The following NET1 variants were observed in gnomAD, a reference collection of about 807,000 sequenced individuals.
NET1 encodes the protein neuroepithelial cell transforming 1, also known as neuroepithelial cell-transforming gene 1 protein.
In NET1, 42 loss-of-function variants were observed where a neutral mutation model predicts 61.1. The ratio of observed to expected loss-of-function variants is 0.69; its 90% CI spans 0.54 to 0.89. NET1 has a LOEUF of 0.89. Ranked by LOEUF, NET1 falls within the 40% of genes least tolerant of loss-of-function variation. The pLI is 0.00. For synonymous variants in NET1, 254 were observed against 281.8 expected, an observed-to-expected ratio of 0.90 and a Z score of 0.99; for missense variants, 654 against 747.3, an observed-to-expected ratio of 0.88 and a Z score of 1.46.
Position 5,417,287 on chromosome 10 carries a change from G to A in NET1, c.128+4467G>A, listed in dbSNP as rs974956356. On this transcript the variant is annotated intron_variant, in intron 1 of 11. Transcript: ENST00000355029. This position sits in a 1 kb window ranked among gnomAD's most constrained non-coding sequence, Gnocchi z 5.5. ...CACAGGTGGGGGCGTGCTTTTATAG[G>A]CACAGGATGGGGGTGTGGTGAGCCA... is the stretch of plus-strand genomic sequence containing the variant. Among the ~76,000 whole-genome samples the A allele has an allele frequency of 6.6e-6, 1 of 151,960 alleles. No individual in the cohort carries two copies. The highest frequency in any genetic ancestry group is 1.5e-5 in the Non-Finnish European group (1 of 67,988).
chr10:5,457,025 G>T lies in NET1; in HGVS notation c.*31G>T. ...GCTCTGTGTGTTAACTGATGGGAGA[G>T]ACTGTTTGTTTATAAATGTGTACAG... is the stretch of plus-strand genomic sequence containing the variant. On this transcript the variant is annotated 3_prime_UTR_variant, in exon 12 of 12. Coordinates refer to ENST00000355029, the MANE Select transcript of NET1 (RefSeq NM_001047160.3). This position sits in a 1 kb window ranked among gnomAD's most constrained non-coding sequence, Gnocchi z 5.4. The T allele has an allele frequency of 6.6e-7, 1 of 1,510,990 alleles. No homozygotes were observed. The highest frequency in any genetic ancestry group is 1.4e-5 in the South Asian group (1 of 74,022). The allele number at this position is 1,510,990 out of a possible 1,614,324, so 93.6% of individuals were successfully genotyped here.
In NET1 at chr10:5,440,128, T is replaced by TATACCTATTATACCTATTATAC. The variant is rs1316236804; in HGVS notation, c.255+10899_255+10900insATACCTATTATACCTATTATAC. On this transcript the variant is annotated intron_variant, in intron 3 of 11. Transcript: ENST00000355029. The surrounding 1 kb of genome is among the most constrained non-coding windows in gnomAD (Gnocchi z 4.1). ...ATCCAAAATACTTTCCACTTCCTATTCACCAGGTCTTTTTGGTATAATGTT... is the reference window on the plus strand; with the variant it reads ...ATCCAAAATACTTTCCACTTCCTATTATACCTATTATACCTATTATACCACCAGGTCTTTTTGGTATAATGTT... Among the ~76,000 whole-genome samples the TATACCTATTATACCTATTATAC allele has an allele frequency of 6.6e-6, 1 of 152,218 alleles. No individual in the cohort carries two copies. Among genetic ancestry groups the TATACCTATTATACCTATTATAC allele is most frequent in the Non-Finnish European group, 1.5e-5 (1 of 68,038 alleles).
chr10:5,434,114 G>A (rs1227460933), intron 3 of NET1, among the ~76,000 whole-genome samples: 1 of 152,128 alleles, frequency 6.6e-6, no homozygotes, highest in East Asian at 1.9e-4. Context: ...TACTTCTGTC[G>A]CTCATTTTTC....
intron 3 of NET1, among the ~76,000 whole-genome samples, chr10:5,450,481 G>A (rs1457461290): frequency 6.6e-6 from 1 of 151,830 alleles, no homozygotes; most frequent in Non-Finnish European, 1.5e-5. Flanking sequence ...ATAGTCTTCA[G>A]TTGTTTAAAG....
chr10:5,448,376 T>C (rs1011284702), intron 3 of NET1, among the ~76,000 whole-genome samples: 1 of 152,330 alleles, frequency 6.6e-6, no homozygotes. Flanking sequence ...CAATTTTCTG[T>C]TTATAGATGT....
rs1167002460 is a variant in NET1 at position 5,435,786 on chromosome 10, A to G, written c.255+6557A>G. On this transcript the variant is annotated intron_variant, in intron 3 of 11. Transcript: ENST00000355029. The surrounding 1 kb of genome is among the most constrained non-coding windows in gnomAD (Gnocchi z 5.0). ...TCTTGAAGCTGTGATTGTTTATCAA[A>G]TTTTTCTCTAGGTAAAATTTCAGCC... Among the ~76,000 whole-genome samples, 1 of 152,044 alleles carries G rather than the reference A, an allele frequency of 6.6e-6. No individual in the cohort carries two copies. Among genetic ancestry groups the G allele is most frequent in the Admixed American group, 6.5e-5 (1 of 15,268 alleles).
rs2119162970 is a variant in NET1 at position 5,416,835 on chromosome 10, CTGAAGCCTCAG to C, written c.128+4018_128+4028del. ...CATGTCTATGGGTGAATGTTTACAG[CTGAAGCCTCAG>C]TGGGCTTGTGTTACAGGGTACTCTT... On this transcript the variant is annotated intron_variant, in intron 1 of 11. Transcript: ENST00000355029. The surrounding 1 kb of genome is among the most constrained non-coding windows in gnomAD (Gnocchi z 6.1). Among the ~76,000 whole-genome samples the C allele has an allele frequency of 6.6e-6, 1 of 152,264 alleles. No homozygotes were observed. Among genetic ancestry groups the C allele is most frequent in the Non-Finnish European group, 1.5e-5 (1 of 68,028 alleles).
intron 1 of NET1, among the ~76,000 whole-genome samples, chr10:5,413,611 A>G (rs541720705): frequency 6.6e-6 from 1 of 152,346 alleles, no homozygotes; most frequent in African/African-American, 2.4e-5. Context: ...GCTATGTCAG[A>G]TGTTATTGAT....
chr10:5,438,193 A>C (rs564311534), intron 3 of NET1, among the ~76,000 whole-genome samples: 1 of 152,332 alleles, frequency 6.6e-6, no homozygotes, highest in African/African-American at 2.4e-5. Context: ...TAAGGAGGTA[A>C]TAAAAAGAAA....
chr10:5,412,762 A>T lies in NET1; in HGVS notation c.70A>T (p.Ser24Cys). 1 of 1,471,972 alleles carries T rather than the reference A, an allele frequency of 6.8e-7. No homozygotes were observed. The highest frequency in any genetic ancestry group is 9.0e-7 in the Non-Finnish European group (1 of 1,116,204). 91.2% of individuals were successfully genotyped at this position (1,471,972 alleles called of 1,614,324 possible). The change falls in exon 1 of 12, where the codon AGC (serine) becomes TGC (cysteine). Residue 24 changes from serine to cysteine, a missense_variant. Transcript: ENST00000355029. This position sits in a 1 kb window ranked among gnomAD's most constrained non-coding sequence, Gnocchi z 6.5. ...GCGAAGCCGCCGGGCCTCTGGGCTCAGCACGGAGGGAGCGACGGGGCCTTC... is the reference window on the plus strand; with the variant it reads ...GCGAAGCCGCCGGGCCTCTGGGCTCTGCACGGAGGGAGCGACGGGGCCTTC... ...RRRSRRASGLSTEGATGPSAD... is the reference protein window; with the variant it reads ...RRRSRRASGLCTEGATGPSAD...
In NET1 at chr10:5,412,743, C is replaced by T. The variant is rs774046393; in HGVS notation, c.51C>T (p.Ser17=). Residue 17 remains serine (S), a synonymous_variant, in exon 1 of 12, where the codon AGC becomes AGT. Transcript: ENST00000355029. This position sits in a 1 kb window ranked among gnomAD's most constrained non-coding sequence, Gnocchi z 6.5. ...AGCAGCCTCGACCGCGGAGGCGAAG[C>T]CGCCGGGCCTCTGGGCTCAGCACGG... ...AQKQPRPRRR[S]RRASGLSTEG... 1 of 1,481,402 alleles carries T rather than the reference C, an allele frequency of 6.8e-7. No homozygotes were observed. The highest frequency in any genetic ancestry group is 8.9e-7 in the Non-Finnish European group (1 of 1,123,380). 91.8% of individuals were successfully genotyped at this position (1,481,402 alleles called of 1,614,324 possible).
chr10:5,442,561 A>G (rs1475684876), intron 3 of NET1, among the ~76,000 whole-genome samples: 2 of 152,342 alleles, frequency 1.3e-5, no homozygotes, highest in East Asian at 1.9e-4. Flanking sequence ...ACGCTAACCA[A>G]TCTGTGCCTC....
Position 5,456,763 on chromosome 10 carries a change from A to G in NET1, c.1560A>G (p.Glu520=), listed in dbSNP as rs772431434. 1 of 1,613,844 alleles carries G rather than the reference A, an allele frequency of 6.2e-7. No homozygotes were observed. The highest frequency in any genetic ancestry group is 1.1e-5 in the South Asian group (1 of 90,998). ...PELQGLPELH[E]ECEGNHPSAR... The stretch of plus-strand genomic sequence containing the variant: ...TGCAGGGCCTGCCGGAGCTGCACGA[A>G]GAGTGTGAGGGGAACCACCCCTCTG... Residue 520 remains glutamate (E), a synonymous_variant, in exon 12 of 12, where the codon GAA becomes GAG. Transcript: ENST00000355029. This position sits in a 1 kb window ranked among gnomAD's most constrained non-coding sequence, Gnocchi z 7.0.
Position 5,417,445 on chromosome 10 carries a change from C to A in NET1, c.128+4625C>A, listed in dbSNP as rs191902232. Among the ~76,000 whole-genome samples the A allele has an allele frequency of 3.3e-5, 5 of 152,064 alleles. No homozygotes were observed. The highest frequency in any genetic ancestry group is 3.3e-4 in the Admixed American group (5 of 15,272). ...TCTCCTCTACGCAGCACTTCCCTGC[C>A]CCGCTTTGTATCACTTTATTTTCAG... On this transcript the variant is annotated intron_variant, in intron 1 of 11. Transcript: ENST00000355029. This position sits in a 1 kb window ranked among gnomAD's most constrained non-coding sequence, Gnocchi z 5.5.
chr10:5,434,170 C>G (rs1467460111), intron 3 of NET1, among the ~76,000 whole-genome samples: 6 of 152,176 alleles, frequency 3.9e-5, no homozygotes, highest in Non-Finnish European at 5.9e-5. Flanking sequence ...GCCAGGATAG[C>G]CTTTTCAGCT....
In NET1 at chr10:5,446,584, T is replaced by G; in HGVS notation, c.256-5246T>G. The G allele has an allele frequency of 8.4e-7, 1 of 1,188,826 alleles. No homozygotes were observed. The highest frequency in any genetic ancestry group is 1.6e-5 in the African/African-American group (1 of 63,566). The allele number at this position is 1,188,826 out of a possible 1,614,324, so 73.6% of individuals were successfully genotyped here. A position where few individuals can be genotyped will look rare whatever the true frequency, so the allele number is the denominator to read the frequency against. ...GTGGCCCCGCCCCCGAGCCCTGGGG[T>G]CGGTGCTTGCTGCCTGCGGCTCTCA... On this transcript the variant is annotated intron_variant, in intron 3 of 11. Coordinates refer to ENST00000355029, the MANE Select transcript of NET1 (RefSeq NM_001047160.3). This position sits in a 1 kb window ranked among gnomAD's most constrained non-coding sequence, Gnocchi z 5.0.
At position 5,456,798 on chromosome 10, in the gene NET1, TCA is replaced by T. The variant is rs1832809085; in HGVS notation, c.1598_1599del (p.Thr533SerfsTer17). The T allele has an allele frequency of 6.2e-7, 1 of 1,613,160 alleles. No individual in the cohort carries two copies. On this transcript the variant is annotated frameshift_variant, in exon 12 of 12. Coordinates refer to ENST00000355029, the MANE Select transcript of NET1 (RefSeq NM_001047160.3). LOFTEE classifies it low-confidence loss of function (END_TRUNC). This position sits in a 1 kb window ranked among gnomAD's most constrained non-coding sequence, Gnocchi z 7.0. ...GGGAACCACCCCTCTGCGAGGAAAC[TCA>T]CAGCCCAGAGGAGGGCATCCACAGT... is the stretch of plus-strand genomic sequence containing the variant.
rs748904639 is a variant in NET1 at position 5,456,574 on chromosome 10, A to AT, written c.1385-4dup. 6,601 of 1,311,378 alleles carry AT rather than the reference A, an allele frequency of 5.0e-3. No homozygotes were observed. Among genetic ancestry groups the AT allele is most frequent in the South Asian group, 0.013 (831 of 63,258 alleles). 81.2% of individuals were successfully genotyped at this position (1,311,378 alleles called of 1,614,324 possible). A position where few individuals can be genotyped will look rare whatever the true frequency, so the allele number is the denominator to read the frequency against. ...TAGCCTGATTTCTTTTTTTTTTCCA[A>AT]TTTTTTTTTTCAGCTAAAAATATCT... On this transcript the variant is annotated splice_polypyrimidine_tract_variant and intron_variant, in intron 11 of 11. Transcript: ENST00000355029. This position sits in a 1 kb window ranked among gnomAD's most constrained non-coding sequence, Gnocchi z 7.0.
rs767312457 is a variant in NET1 at position 5,419,475 on chromosome 10, TTCC to T, written c.128+6660_128+6662del. Among the ~76,000 whole-genome samples, 145 of 152,322 alleles carry T rather than the reference TTCC, an allele frequency of 9.5e-4. 1 individual carries two copies. The highest frequency in any genetic ancestry group is 1.9e-3 in the Non-Finnish European group (127 of 68,018). On this transcript the variant is annotated intron_variant, in intron 1 of 11. Coordinates refer to ENST00000355029, the MANE Select transcript of NET1 (RefSeq NM_001047160.3). Reference sequence around the variant, plus strand: ...GTTATATATGTCTTTTGTTTCTCTATTCCTCCTTTATTGCTTTCTTTTGCATTA... The same window carrying T: ...GTTATATATGTCTTTTGTTTCTCTATTCCTTTATTGCTTTCTTTTGCATTA...
Sources: allele counts gnomAD v4.1 joint callset (sites outside exome capture counted in the v4.1 genomes callset), GRCh38; gene constraint gnomAD v4.1.1; non-coding constraint Gnocchi (gnomAD v3.1); transcripts MANE v1.5; gene names NCBI Gene and HGNC (gene_info 2026-07-23, HGNC 2026-07-21).